The following MTOR variants were observed in gnomAD, a reference collection of about 807,000 sequenced individuals.
MTOR encodes mechanistic target of rapamycin kinase, also known as serine/threonine-protein kinase mTOR.
Under a neutral mutation model 319.8 loss-of-function variants are expected in MTOR, and 70 were observed. The observed-to-expected ratio is 0.22, with a 90% confidence interval of 0.18 to 0.27. The LOEUF is 0.27. Ranked by LOEUF, MTOR falls within the 10% of genes least tolerant of loss-of-function variation. The pLI, the probability that MTOR is intolerant of heterozygous loss-of-function variation, is 1.00. For missense variants in MTOR, 1,890 were observed against 3,274.4 expected (o/e 0.58, Z 10.32); for synonymous variants, 1,183 against 1,211.4 (o/e 0.98, Z 0.49).
rs781545483 is a variant in MTOR at position 11,107,016 on chromosome 1, A to C, written c.*469T>G. The C allele has an allele frequency of 2.9e-5, 40 of 1,370,860 alleles. No homozygotes were observed. The highest frequency in any genetic ancestry group is 3.5e-5 in the Non-Finnish European group (36 of 1,039,036). The allele number at this position is 1,370,860 out of a possible 1,614,324, so 84.9% of individuals were successfully genotyped here. A position where few individuals can be genotyped will look rare whatever the true frequency, so the allele number is the denominator to read the frequency against. ...GGTCTTGGGATAGGTGGCAGGGGTGAGGTCAGCATCTTCTGTGTCTTTACA... is the reference window on the plus strand; with the variant it reads ...GGTCTTGGGATAGGTGGCAGGGGTGCGGTCAGCATCTTCTGTGTCTTTACA... On this transcript the variant is annotated 3_prime_UTR_variant, in exon 58 of 58. Coordinates refer to ENST00000361445, the MANE Select transcript of MTOR (RefSeq NM_004958.4).
In MTOR at chr1:11,109,304, C is replaced by T. The variant is rs1057519777; in HGVS notation, c.7514G>A (p.Arg2505Gln). Reference sequence around the variant, plus strand: ...GACACACTCACCAGTGAGCTTATCTCGAACCCTGTTAATAATCTGGATAGC... The same window carrying T: ...GACACACTCACCAGTGAGCTTATCTTGAACCCTGTTAATAATCTGGATAGC... ...KKAIQIINRV[R>Q]DKLTGRDFSH... The change falls in exon 56 of 58, where the codon CGA (arginine) becomes CAA (glutamine). Residue 2505 changes from arginine (R) to glutamine (Q), a missense_variant. Physicochemically the swap from Arg to Gln is conservative, Grantham distance 43. This residue lies in a region of MTOR where 31 missense variants were observed against 82.1 expected (regional missense o/e 0.38). Transcript: ENST00000361445. The surrounding 1 kb of genome is among the most constrained non-coding windows in gnomAD (Gnocchi z 4.0). The T allele has an allele frequency of 6.2e-7, 1 of 1,614,074 alleles. No individual in the cohort carries two copies. Among genetic ancestry groups the T allele is most frequent in the Non-Finnish European group, 8.5e-7 (1 of 1,179,992 alleles).
At chr1:11,130,163 G>A (rs1406344700) in intron 39 of MTOR, among the ~76,000 whole-genome samples, 1 of 152,168 alleles carries the variant, frequency 6.6e-6, no homozygotes, top group Non-Finnish European at 1.5e-5. Flanking sequence ...AAGGGGAAGG[G>A]GAAGAAGTGG....
At chr1:11,125,218 T>C (rs1325438785) in intron 46 of MTOR, among the ~76,000 whole-genome samples, 1 of 152,172 alleles carries the variant, frequency 6.6e-6, no homozygotes, top group Non-Finnish European at 1.5e-5. Flanking sequence ...TCACTTGTGC[T>C]TGTTCATGAG....
chr1:11,208,445 C>G (rs1646209125), intron 25 of MTOR, among the ~76,000 whole-genome samples: 1 of 152,242 alleles, frequency 6.6e-6, no homozygotes, highest in African/African-American at 2.4e-5. Context: ...TGGGTTTTTC[C>G]AAAAGAAGTG....
In MTOR at chr1:11,115,013, C is replaced by T. The variant is rs997168021; in HGVS notation, c.7090-126G>A. ...TAATTATAGCAGGGAAAGGAAGCAGCTTGGGTTTAGTGAGAGGACTTGTCA... is the reference window on the plus strand; with the variant it reads ...TAATTATAGCAGGGAAAGGAAGCAGTTTGGGTTTAGTGAGAGGACTTGTCA... On this transcript the variant is annotated intron_variant, in intron 51 of 57. Coordinates refer to ENST00000361445, the MANE Select transcript of MTOR (RefSeq NM_004958.4). This position sits in a 1 kb window ranked among gnomAD's most constrained non-coding sequence, Gnocchi z 4.5. 2.4e-5 allele frequency: 19 copies of T among 776,650 alleles called. No individual in the cohort carries two copies. The highest frequency in any genetic ancestry group is 3.7e-5 in the Non-Finnish European group (17 of 459,908). 48.1% of individuals were successfully genotyped at this position (776,650 alleles called of 1,614,324 possible).
chr1:11,145,915 C>T (rs966355558), intron 32 of MTOR, among the ~76,000 whole-genome samples: 13 of 152,182 alleles, frequency 8.5e-5, no homozygotes, highest in Non-Finnish European at 1.5e-5. Context: ...CACCCTCTGT[C>T]CTTATGAGGG....
chr1:11,209,739 T>C lies in MTOR; in HGVS notation c.3655-281A>G, dbSNP rs1010447. Among the ~76,000 whole-genome samples, 98,150 of 152,144 alleles carry C rather than the reference T, an allele frequency of 0.65. 33,933 individuals are homozygous for C. Among genetic ancestry groups the C allele is most frequent in the East Asian group, 0.91 (4,731 of 5,188 alleles). On this transcript the variant is annotated intron_variant, in intron 24 of 57. Coordinates refer to ENST00000361445, the MANE Select transcript of MTOR (RefSeq NM_004958.4). ...AAACAATTGTCGGCAATGGGAAAAG[T>C]GATAAAGTGTTTGGAGCAAAGGTGG...
rs143739283 is a variant in MTOR, at chr1:11,248,538, G to A, written c.841-444C>T. Among the ~76,000 whole-genome samples, 223 of 152,354 alleles carry A rather than the reference G, an allele frequency of 1.5e-3. 3 individuals are homozygous for A. Among genetic ancestry groups the A allele is most frequent in the Admixed American group, 5.1e-3 (78 of 15,300 alleles). On this transcript the variant is annotated intron_variant, in intron 6 of 57. Transcript: ENST00000361445. ...AGGTAAAAACTTATGCAGGCCAGGC[G>A]TGGTGGCTCATGCCTGTAATTCCGG...
intron 28 of MTOR, among the ~76,000 whole-genome samples, chr1:11,178,959 T>G (rs922378245): frequency 1.3e-5 from 2 of 152,170 alleles, no homozygotes; most frequent in Non-Finnish European, 2.9e-5. Context: ...GAGCTGGTCT[T>G]CCACTCTATT....
Position 11,212,548 on chromosome 1 carries a change from T to C in MTOR, c.3399-74A>G. 6.5e-7 allele frequency: 1 copy of C among 1,532,078 alleles called. No homozygotes were observed. The highest frequency in any genetic ancestry group is 8.8e-7 in the Non-Finnish European group (1 of 1,130,706). 94.9% of individuals were successfully genotyped at this position (1,532,078 alleles called of 1,614,324 possible). ...GAAGAGACGTGACTGAGGGTGAGCT[T>C]AACAATCAGCACCAAAGGGATGGGA... On this transcript the variant is annotated intron_variant, in intron 22 of 57. Transcript: ENST00000361445. This position sits in a 1 kb window ranked among gnomAD's most constrained non-coding sequence, Gnocchi z 4.1.
At chr1:11,135,395 A>G (rs1185774693) in intron 36 of MTOR, among the ~76,000 whole-genome samples, 3 of 152,260 alleles carry the variant, frequency 2.0e-5, no homozygotes, top group Non-Finnish European at 4.4e-5. Context: ...ATGCATTAAC[A>G]CAGGGAAAGG....
intron 19 of MTOR, among the ~76,000 whole-genome samples, chr1:11,222,494 G>A (rs1394282772): frequency 6.6e-6 from 1 of 152,118 alleles, no homozygotes; most frequent in Non-Finnish European, 1.5e-5. Flanking sequence ...ACTGCGCCCA[G>A]CCTAAAAAAA....
Position 11,124,511 on chromosome 1 carries a change from G to A in MTOR, c.6649C>T (p.Arg2217Trp), listed in dbSNP as rs775850519. 4 of 1,606,012 alleles carry A rather than the reference G, an allele frequency of 2.5e-6. No homozygotes were observed. The highest frequency in any genetic ancestry group is 1.7e-6 in the Non-Finnish European group (2 of 1,173,208). The change falls in exon 47 of 58, where the codon CGG becomes TGG. Residue 2217 changes from arginine (R) to tryptophan (W), a missense_variant. Physicochemically the swap from Arg to Trp is moderately radical, Grantham distance 101. Around this residue, in one of 15 missense-constraint regions of MTOR, gnomAD observed 249 missense variants for 596.2 expected, o/e 0.42. Coordinates refer to ENST00000361445, the MANE Select transcript of MTOR (RefSeq NM_004958.4). Reference sequence around the variant, plus strand: ...GTTTCTGAATACCTGAGGTTTTTCCGAAGAGATGTTGGGTCATTGGCCAGA... The same window carrying A: ...GTTTCTGAATACCTGAGGTTTTTCCAAAGAGATGTTGGGTCATTGGCCAGA... ...TLLANDPTSL[R>W]KNLSIQRYAV... is the part of the protein sequence containing the mutation.
chr1:11,228,902 A>G lies in MTOR; in HGVS notation c.2796T>C (p.Ser932=), dbSNP rs1345037322. ...SSQDSSDYST[S]EMLVNMGNLP... ...AGTTTCCCATGTTGACCAGCATTTC[A>G]CTAGTGCTATAGTCAGCTAGGACAA... The change falls in exon 19 of 58, where the codon AGT becomes AGC. Residue 932 remains serine, a synonymous_variant. Transcript: ENST00000361445. 9 of 1,614,070 alleles carry G rather than the reference A, an allele frequency of 5.6e-6. No homozygotes were observed. The highest frequency in any genetic ancestry group is 4.0e-5 in the African/African-American group (3 of 74,926).
chr1:11,173,436 ACATT>A (rs1160592109), intron 28 of MTOR, among the ~76,000 whole-genome samples: 1 of 148,102 alleles, frequency 6.8e-6, no homozygotes, highest in Admixed American at 6.7e-5. Flanking sequence ...ACCACCACAC[ACATT>A]ATTATTTTTT....
In MTOR at chr1:11,231,308, G is replaced by A. The variant is rs2100867880; in HGVS notation, c.2641C>T (p.Arg881Cys). The change falls in exon 17 of 58, where the codon CGC becomes TGC. Residue 881 changes from arginine to cysteine, a missense_variant. Arg to Cys is a radical substitution (Grantham distance 180). Transcript: ENST00000361445. ...FLKTEQNQGT[R>C]REAIRVLGLL... Reference sequence around the variant, plus strand: ...TTTGCCACGTCCCCTACCTCTCTGCGTGTACCCTGGTTCTGCTCAGTCTTC... The same window carrying A: ...TTTGCCACGTCCCCTACCTCTCTGCATGTACCCTGGTTCTGCTCAGTCTTC... 3 of 1,613,968 alleles carry A rather than the reference G, an allele frequency of 1.9e-6. No homozygotes were observed. The highest frequency in any genetic ancestry group is 2.5e-6 in the Non-Finnish European group (3 of 1,179,988).
chr1:11,187,979 T>C (rs1441007416), intron 28 of MTOR, among the ~76,000 whole-genome samples: 1 of 150,050 alleles, frequency 6.7e-6, no homozygotes, highest in Non-Finnish European at 1.5e-5. Flanking sequence ...TTTTTGATTC[T>C]GAGAAAAAAA....
Position 11,212,916 on chromosome 1 carries a change from A to C in MTOR, c.3286-8T>G, listed in dbSNP as rs756471287. 5.6e-6 allele frequency: 9 copies of C among 1,609,106 alleles called. No homozygotes were observed. The highest frequency in any genetic ancestry group is 7.7e-6 in the Non-Finnish European group (9 of 1,175,694). Reference sequence around the variant, plus strand: ...CTGGATTGCAGCCAGTAACTGCAAAAGGGAGCAAAAGCATGGTGATGAATA... The same window carrying C: ...CTGGATTGCAGCCAGTAACTGCAAACGGGAGCAAAAGCATGGTGATGAATA... On this transcript the variant is annotated splice_region_variant and splice_polypyrimidine_tract_variant and intron_variant, in intron 21 of 57. Transcript: ENST00000361445. This position sits in a 1 kb window ranked among gnomAD's most constrained non-coding sequence, Gnocchi z 4.1.
At chr1:11,232,706 C>T (rs960307175) in intron 15 of MTOR, among the ~76,000 whole-genome samples, 178 bp from the exon 16 acceptor site, 6 of 152,010 alleles carry the variant, frequency 3.9e-5, no homozygotes, top group African/African-American at 1.4e-4. Context: ...AAAACCCCAT[C>T]TCTACTAAAA....
Sources: gnomAD v4.1 joint callset for allele counts (sites outside exome capture counted in the v4.1 genomes callset) on GRCh38, gnomAD v4.1.1 for gene constraint, gnomAD v4.1.1 regional missense constraint, Gnocchi (gnomAD v3.1) non-coding constraint, MANE v1.5 for transcripts, NCBI Gene and HGNC (gene_info 2026-07-23, HGNC 2026-07-21) for gene names.